The following RASSF8 variants were observed in gnomAD, a reference collection of about 807,000 sequenced individuals.
RASSF8 encodes the protein ras association domain-containing protein 8.
A neutral mutation model predicts 48.5 loss-of-function variants in RASSF8; 22 were observed. The observed-to-expected ratio is 0.45, with a 90% CI of 0.32 to 0.65. The LOEUF (loss-of-function observed/expected upper bound fraction) is 0.65, where lower values mean the gene tolerates loss of function less well. Among genes scored for constraint, RASSF8 ranks in the 30% least tolerant of loss-of-function variants. The pLI is 0.03. For missense variants in RASSF8, 418 were observed against 489.2 expected (o/e 0.85, Z 1.37); for synonymous variants, 127 against 171.5 (o/e 0.74, Z 2.03).
chr12:26,069,477 G>T lies in RASSF8; in HGVS notation c.*659G>T. ...TCCTTTACAATATTTCCAAATATAC[G>T]TGTGGCCACAGAGCATAACAGATAT... On this transcript the variant is annotated 3_prime_UTR_variant, in exon 6 of 6. Coordinates refer to ENST00000689635, the MANE Select transcript of RASSF8 (RefSeq NM_001394098.1). 1.0e-6 allele frequency: 1 copy of T among 985,300 alleles called. No individual in the cohort carries two copies. The highest frequency in any genetic ancestry group is 1.2e-6 in the Non-Finnish European group (1 of 829,910). 61.0% of individuals were successfully genotyped at this position (985,300 alleles called of 1,614,324 possible). A position where few individuals can be genotyped will look rare whatever the true frequency, so the allele number is the denominator to read the frequency against.
At chr12:26,008,269 TA>T (rs11447818) in intron 2 of RASSF8, among the ~76,000 whole-genome samples, 78 of 148,088 alleles carry the variant, frequency 5.3e-4, no homozygotes, top group East Asian at 1.6e-3. Context: ...AGACTCCGTT[TA>T]AAAAAAAAAA....
At chr12:26,055,974 T>G (rs1262204106) in intron 3 of RASSF8, among the ~76,000 whole-genome samples, 3 of 152,162 alleles carry the variant, frequency 2.0e-5, no homozygotes, top group Non-Finnish European at 4.4e-5. Context: ...TCACTTGAGG[T>G]CAGGAGTTCG....
At position 26,032,503 on chromosome 12, in the gene RASSF8, T is replaced by C. The variant is rs757388021; in HGVS notation, c.-108-22733T>C. On this transcript the variant is annotated intron_variant, in intron 2 of 5. Coordinates refer to ENST00000689635, the MANE Select transcript of RASSF8 (RefSeq NM_001394098.1). ...CTGAGTCAAAGGTTCCCTTGTGACA[T>C]GTGAATTTTTAGGAAGGAGAACAAT... is the stretch of plus-strand genomic sequence containing the variant. Among the ~76,000 whole-genome samples, 3 of 152,206 alleles carry C rather than the reference T, an allele frequency of 2.0e-5. 1 individual carries two copies. Among genetic ancestry groups the C allele is most frequent in the Non-Finnish European group, 4.4e-5 (3 of 68,032 alleles).
At position 26,072,496 on chromosome 12, in the gene RASSF8, A is replaced by G. The variant is rs1346910624; in HGVS notation, c.*3678A>G. ...CGTATACTAATTATATTAAACCAGCAGAAATATAAAGGCAATAAAGTATAT... is the reference window on the plus strand; with the variant it reads ...CGTATACTAATTATATTAAACCAGCGGAAATATAAAGGCAATAAAGTATAT... On this transcript the variant is annotated 3_prime_UTR_variant, in exon 6 of 6. Transcript: ENST00000689635. 1 of 967,290 alleles carries G rather than the reference A, an allele frequency of 1.0e-6. No homozygotes were observed. Among genetic ancestry groups the G allele is most frequent in the Non-Finnish European group, 1.2e-6 (1 of 813,558 alleles). 59.9% of individuals were successfully genotyped at this position (967,290 alleles called of 1,614,324 possible).
At chr12:26,051,644 G>A (rs1462582951) in intron 2 of RASSF8, among the ~76,000 whole-genome samples, 2 of 152,026 alleles carry the variant, frequency 1.3e-5, no homozygotes, top group African/African-American at 4.8e-5. Context: ...AAGATTTCCG[G>A]TACTGTTTTA....
intron 1 of RASSF8, among the ~76,000 whole-genome samples, chr12:25,977,061 A>T (rs1451163801): frequency 6.6e-6 from 1 of 152,238 alleles, no homozygotes; most frequent in Admixed American, 6.5e-5. Context: ...ATTAACAGTC[A>T]TTGGAAATAA....
chr12:26,020,176 C>T (rs1368086967), intron 2 of RASSF8: 1 of 152,072 alleles, frequency 6.6e-6, no homozygotes, highest in Non-Finnish European at 1.5e-5. Context: ...GATGATGAGG[C>T]TGTTGAACTG....
rs1944019670 is a variant in RASSF8, at chr12:26,072,481, T to G, written c.*3663T>G. 2.1e-6 allele frequency: 2 copies of G among 961,560 alleles called. No individual in the cohort carries two copies. Among genetic ancestry groups the G allele is most frequent in the Non-Finnish European group, 2.5e-6 (2 of 808,384 alleles). 59.6% of individuals were successfully genotyped at this position (961,560 alleles called of 1,614,324 possible). A position where few individuals can be genotyped will look rare whatever the true frequency, so the allele number is the denominator to read the frequency against. On this transcript the variant is annotated 3_prime_UTR_variant, in exon 6 of 6. Coordinates refer to ENST00000689635, the MANE Select transcript of RASSF8 (RefSeq NM_001394098.1). ...TGCAGAAAACTATTTCGTATACTAA[T>G]TATATTAAACCAGCAGAAATATAAA...
intron 1 of RASSF8, among the ~76,000 whole-genome samples, chr12:25,961,648 G>T (rs1024722308): frequency 1.3e-5 from 2 of 152,028 alleles, no homozygotes; most frequent in African/African-American, 4.8e-5. Flanking sequence ...TGGAAAATGG[G>T]GATACCACTA....
At chr12:26,077,647 G>T (rs56855343), downstream of RASSF8, among the ~76,000 whole-genome samples, 3,733 of 152,220 alleles carry the variant, frequency 0.025, 157 homozygotes, top group African/African-American at 0.085. Context: ...CCAGTACCAT[G>T]CTATTTTGGT....
At chr12:25,968,327 GT>G (rs1244867342) in intron 1 of RASSF8, among the ~76,000 whole-genome samples, 1 of 149,894 alleles carries the variant, frequency 6.7e-6, no homozygotes, top group Non-Finnish European at 1.5e-5. Flanking sequence ...CTCTTTCTTT[GT>G]TCTTTATTTT....
chr12:26,031,864 A>G (rs1943036960), intron 2 of RASSF8, among the ~76,000 whole-genome samples: 1 of 152,200 alleles, frequency 6.6e-6, no homozygotes, highest in Non-Finnish European at 1.5e-5. Context: ...ATCTGAGGAG[A>G]TGCTTCAATG....
intron 2 of RASSF8, among the ~76,000 whole-genome samples, chr12:26,018,565 C>T (rs893933129): frequency 6.6e-6 from 1 of 152,086 alleles, no homozygotes; most frequent in Non-Finnish European, 1.5e-5. Context: ...TGTCAGGAAA[C>T]AACACTTACA....
chr12:26,052,416 G>T (rs1221221317), intron 2 of RASSF8: 1 of 152,186 alleles, frequency 6.6e-6, no homozygotes, highest in African/African-American at 2.4e-5. Flanking sequence ...TAAAATAATA[G>T]TGATTTGCAT....
intron 2 of RASSF8, among the ~76,000 whole-genome samples, chr12:26,021,966 C>T (rs1358614824): frequency 6.6e-6 from 1 of 152,160 alleles, no homozygotes; most frequent in Non-Finnish European, 1.5e-5. Flanking sequence ...GAGCAGTAGG[C>T]TAAACATAGG....
intron 3 of RASSF8, among the ~76,000 whole-genome samples, chr12:26,056,205 C>A (rs764683479): frequency 2.6e-5 from 4 of 152,018 alleles, no homozygotes; most frequent in African/African-American, 9.7e-5. Context: ...AAAATAAAAT[C>A]TTATTATACA....
At chr12:26,038,806 G>A (rs1184556710) in intron 2 of RASSF8, among the ~76,000 whole-genome samples, 5 of 152,050 alleles carry the variant, frequency 3.3e-5, no homozygotes, top group Non-Finnish European at 7.4e-5. Context: ...GAATTTTATT[G>A]CCCTGATAAA....
intron 1 of RASSF8, chr12:25,959,892 T>G (rs975594948): frequency 1.6e-4 from 25 of 152,198 alleles, no homozygotes; most frequent in African/African-American, 6.0e-4. Flanking sequence ...CAGCCTCAAA[T>G]GGCATCTTGA....
chr12:26,063,771 A>G (rs1418691849), intron 3 of RASSF8, among the ~76,000 whole-genome samples: 1 of 150,154 alleles, frequency 6.7e-6, no homozygotes, highest in African/African-American at 2.5e-5. Flanking sequence ...CTCTGATACT[A>G]TCATATTACC....
Sources: allele counts gnomAD v4.1 joint callset (sites outside exome capture counted in the v4.1 genomes callset), GRCh38; gene constraint gnomAD v4.1.1; transcripts MANE v1.5; gene names NCBI Gene and HGNC (gene_info 2026-07-23, HGNC 2026-07-21).